DKK3: variants seen among roughly 807,000 people sequenced by gnomAD.
DKK3 encodes the protein dickkopf Wnt signaling pathway inhibitor 3.
DKK3 carries 22 observed loss-of-function variants against 33.2 expected under a neutral mutation model. That is an observed-to-expected ratio of 0.66 (90% CI 0.47 to 0.95). The LOEUF is 0.95. DKK3 is among the 40% of genes least tolerant of loss of function. The pLI, the probability that DKK3 is intolerant of heterozygous loss-of-function variation, is 0.00. For synonymous variants in DKK3, 194 were observed against 188.8 expected (o/e 1.03, Z -0.23); for missense variants, 398 against 458.4 (o/e 0.87, Z 1.20).
At chr11:11,970,665 A>G (rs957740499) in intron 3 of DKK3, among the ~76,000 whole-genome samples, 10 of 152,220 alleles carry the variant, frequency 6.6e-5, no homozygotes, top group Non-Finnish European at 1.3e-4. Flanking sequence ...ATCACAAGGG[A>G]CTTTAAAAAT....
chr11:11,997,174 G>A (rs1300027354), intron 3 of DKK3, among the ~76,000 whole-genome samples: 1 of 152,234 alleles, frequency 6.6e-6, no homozygotes, highest in Non-Finnish European at 1.5e-5. Context: ...TCACAGGCAC[G>A]GCTGCTGCCC....
At chr11:11,984,839 G>A (rs1848034249) in intron 3 of DKK3, among the ~76,000 whole-genome samples, 1 of 152,096 alleles carries the variant, frequency 6.6e-6, no homozygotes, top group South Asian at 2.1e-4. Flanking sequence ...CTGCCTTCCA[G>A]TCTCTTCCCT....
At chr11:11,975,712 C>T (rs1039785554) in intron 3 of DKK3, among the ~76,000 whole-genome samples, 7 of 152,110 alleles carry the variant, frequency 4.6e-5, no homozygotes, top group Admixed American at 2.0e-4. Flanking sequence ...ACTTGCAGTG[C>T]CAACACTGGG....
intron 3 of DKK3, among the ~76,000 whole-genome samples, chr11:11,986,374 C>A (rs1848071100): frequency 6.6e-6 from 1 of 152,188 alleles, no homozygotes; most frequent in African/African-American, 2.4e-5. Context: ...TCCTTTTCAG[C>A]AGCAGCAAGT....
chr11:11,967,142 T>C (rs753839681), intron 4 of DKK3, 44 bp from the exon 5 acceptor site: 3 of 1,599,236 alleles, frequency 1.9e-6, no homozygotes, highest in Non-Finnish European at 2.6e-6. Flanking sequence ...GCTTAGGGAC[T>C]GGGGGCCTGC....
At chr11:12,003,283 G>A (rs1280376962) in intron 1 of DKK3, among the ~76,000 whole-genome samples, 1 of 152,122 alleles carries the variant, frequency 6.6e-6, no homozygotes, top group African/African-American at 2.4e-5. Context: ...CCACAGCTGT[G>A]TCTCCTTCCC....
At position 12,008,111 on chromosome 11, in the gene DKK3, C is replaced by T. The variant is rs1453859405; in HGVS notation, c.213+259G>A. Among the ~76,000 whole-genome samples the T allele has an allele frequency of 6.6e-6, 1 of 151,774 alleles. No individual in the cohort carries two copies. The highest frequency in any genetic ancestry group is 2.4e-5 in the African/African-American group (1 of 41,278). ...ACGCCAACTGCAGGCAGGTGGTGGCCCCAGCTACCTAGGGAGGGTCCAGTG... is the reference window on the plus strand; with the variant it reads ...ACGCCAACTGCAGGCAGGTGGTGGCTCCAGCTACCTAGGGAGGGTCCAGTG... On this transcript the variant is annotated intron_variant, in intron 1 of 6. Transcript: ENST00000683431. This position sits in a 1 kb window ranked among gnomAD's most constrained non-coding sequence, Gnocchi z 4.6.
intron 3 of DKK3, among the ~76,000 whole-genome samples, chr11:11,973,812 T>C (rs3812743): frequency 0.36 from 54,874 of 151,990 alleles, 12,011 homozygotes; most frequent in Admixed American, 0.54. Context: ...CAGTTTAGAG[T>C]TGATCAGAGG....
At chr11:11,967,136 A>G in intron 4 of DKK3, 38 bp from the exon 5 acceptor site, 10 of 1,604,600 alleles carry the variant, frequency 6.2e-6, no homozygotes, top group Non-Finnish European at 8.5e-6. Context: ...CCAGCGGCTT[A>G]GGGACTGGGG....
intron 3 of DKK3, among the ~76,000 whole-genome samples, chr11:11,989,813 T>A (rs1267356959): frequency 6.6e-6 from 1 of 152,222 alleles, no homozygotes; most frequent in Admixed American, 6.5e-5. Flanking sequence ...CTTCATTTTA[T>A]TTCTCTTTTT....
At position 11,998,429 on chromosome 11, in the gene DKK3, C is replaced by A. The variant is rs892134382; in HGVS notation, c.435+267G>T. ...TCAACATGTCTGGTACTTGCTTGTA[C>A]CCCTTTCAAAGCTGAGATGGGCCAT... On this transcript the variant is annotated intron_variant, in intron 3 of 6. Transcript: ENST00000683431. 49 of 557,012 alleles carry A rather than the reference C, an allele frequency of 8.8e-5. 2 individuals carry two copies. In the South Asian group the frequency reaches 1.0e-3, roughly 12 times the overall value. 34.5% of individuals were successfully genotyped at this position (557,012 alleles called of 1,614,324 possible). A position where few individuals can be genotyped will look rare whatever the true frequency, so the allele number is the denominator to read the frequency against.
intron 1 of DKK3, among the ~76,000 whole-genome samples, chr11:12,006,978 T>C (rs1264651766): frequency 6.6e-6 from 1 of 152,212 alleles, no homozygotes; most frequent in Non-Finnish European, 1.5e-5. Context: ...GGGGCCTATC[T>C]GAATCCCTTC....
At chr11:11,996,632 G>A (rs933614372) in intron 3 of DKK3, among the ~76,000 whole-genome samples, 5 of 152,220 alleles carry the variant, frequency 3.3e-5, no homozygotes, top group East Asian at 1.9e-4. Context: ...TTAATCAAAC[G>A]GGAATTTAGT....
chr11:11,982,845 G>C (rs953912573), intron 3 of DKK3, among the ~76,000 whole-genome samples: 1 of 152,146 alleles, frequency 6.6e-6, no homozygotes, highest in Non-Finnish European at 1.5e-5. Context: ...TCTCAAACAC[G>C]GCAATTAATG....
intron 5 of DKK3, 33 bp downstream of exon 5, chr11:11,966,921 G>C: frequency 1.2e-6 from 2 of 1,610,112 alleles, no homozygotes; most frequent in Non-Finnish European, 1.7e-6. Context: ...CTTGGGACAG[G>C]GTTTTTCCTG....
intron 1 of DKK3, among the ~76,000 whole-genome samples, chr11:12,003,375 C>T (rs865873823): frequency 6.6e-6 from 1 of 152,166 alleles, no homozygotes; most frequent in Admixed American, 6.5e-5. Flanking sequence ...TCCCGGGGTC[C>T]ACACCCCTTC....
chr11:11,996,727 A>G (rs1192618084), intron 3 of DKK3, among the ~76,000 whole-genome samples: 2 of 152,198 alleles, frequency 1.3e-5, no homozygotes, highest in African/African-American at 4.8e-5. Context: ...CACGTGGGGT[A>G]CTTAGATCTA....
chr11:11,965,681 C>T, intron 6 of DKK3, 128 bp downstream of exon 6: 1 of 1,216,294 alleles, frequency 8.2e-7, no homozygotes. Context: ...GACCCAACGA[C>T]CTCTCAAACC....
At chr11:11,966,814 C>T in intron 5 of DKK3, 140 bp downstream of exon 5, 2 of 1,206,370 alleles carry the variant, frequency 1.7e-6, no homozygotes, top group South Asian at 1.5e-5. Flanking sequence ...GGGAGTGCAG[C>T]ACACACTGAT....
Sources: allele counts gnomAD v4.1 joint callset (sites outside exome capture counted in the v4.1 genomes callset), GRCh38; gene constraint gnomAD v4.1.1; non-coding constraint Gnocchi (gnomAD v3.1); transcripts MANE v1.5; gene names NCBI Gene and HGNC (gene_info 2026-07-23, HGNC 2026-07-21).